Variants in CADPS2 observed in about 807,000 individuals in gnomAD.
CADPS2 encodes calcium-dependent secretion activator 2.
A neutral mutation model predicts 172.5 loss-of-function variants in CADPS2; 93 were observed. The ratio of observed to expected loss-of-function variants is 0.54; its 90% CI spans 0.46 to 0.64. The LOEUF (loss-of-function observed/expected upper bound fraction) is 0.64, where lower values mean the gene tolerates loss of function less well. Ranked by LOEUF, CADPS2 falls within the 30% of genes least tolerant of loss-of-function variation. The probability of loss-of-function intolerance (pLI) is 0.00; values close to 1 mark genes in which losing one functional copy is unlikely to be tolerated. For synonymous variants in CADPS2, 546 were observed against 555.2 expected, an observed-to-expected ratio of 0.98 and a Z score of 0.23; for missense variants, 1,420 against 1,565.9, an observed-to-expected ratio of 0.91 and a Z score of 1.57.
chr7:122,785,584 T>C (rs1793838508), intron 1 of CADPS2, among the ~76,000 whole-genome samples: 1 of 152,188 alleles, frequency 6.6e-6, no homozygotes, highest in Non-Finnish European at 1.5e-5. Flanking sequence ...CCTTCAGAAA[T>C]AGCAGTGGAA....
intron 2 of CADPS2, among the ~76,000 whole-genome samples, chr7:122,689,123 A>G (rs886355565): frequency 2.6e-5 from 4 of 152,116 alleles, no homozygotes; most frequent in Admixed American, 1.3e-4. Context: ...TATTCCTGCT[A>G]TGCTACTCAT....
chr7:122,488,124 G>T (rs1158765431), intron 11 of CADPS2, among the ~76,000 whole-genome samples: 6 of 152,076 alleles, frequency 3.9e-5, no homozygotes, highest in Non-Finnish European at 8.8e-5. Flanking sequence ...TAAAAACTTG[G>T]TTTTCAACAA....
chr7:122,490,028 T>C, intron 11 of CADPS2, 53 bp downstream of exon 11: 2 of 1,491,344 alleles, frequency 1.3e-6, no homozygotes, highest in East Asian at 2.3e-5. Flanking sequence ...CTCAATTTTA[T>C]ATCTTATTAA....
At position 122,379,432 on chromosome 7, in the gene CADPS2, T is replaced by G. The variant is rs1195274545; in HGVS notation, c.3323A>C (p.His1108Pro). 6.2e-7 allele frequency: 1 copy of G among 1,600,802 alleles called. No homozygotes were observed. Among genetic ancestry groups the G allele is most frequent in the South Asian group, 1.1e-5 (1 of 89,978 alleles). ...ALDGGQEQQYHSKIDDLIDNS... is the reference protein window; with the variant it reads ...ALDGGQEQQYPSKIDDLIDNS... ...GTCGATCAGATCATCTATTTTTGAA[T>G]GGTACTGTTGCTAGATATTAAAAGA... The change falls in exon 25 of 30, where the codon CAT (histidine) becomes CCT (proline). Residue 1108 changes from histidine (H) to proline (P), a missense_variant. Transcript: ENST00000449022.
chr7:122,841,315 T>C (rs1810422211), intron 1 of CADPS2, among the ~76,000 whole-genome samples: 1 of 152,158 alleles, frequency 6.6e-6, no homozygotes, highest in African/African-American at 2.4e-5. Flanking sequence ...CCCTAGTGTA[T>C]TATCACGAAT....
chr7:122,555,305 G>A (rs1216208121), intron 7 of CADPS2, among the ~76,000 whole-genome samples: 1 of 152,020 alleles, frequency 6.6e-6, no homozygotes, highest in Non-Finnish European at 1.5e-5. Flanking sequence ...ATTGACAAGT[G>A]ATTATTTCAC....
chr7:122,461,782 G>T (rs1383588926), intron 14 of CADPS2, among the ~76,000 whole-genome samples: 1 of 152,080 alleles, frequency 6.6e-6, no homozygotes, highest in Non-Finnish European at 1.5e-5. Context: ...TTTCAGTAGA[G>T]AGGGGGTTTC....
At chr7:122,444,379 C>T (rs1700870199) in intron 15 of CADPS2, among the ~76,000 whole-genome samples, 1 of 152,090 alleles carries the variant, frequency 6.6e-6, no homozygotes, top group Admixed American at 6.6e-5. Context: ...AAGAATCTGC[C>T]AAGTTATTTT....
intron 1 of CADPS2, among the ~76,000 whole-genome samples, chr7:122,779,158 AT>A (rs542619355): frequency 2.6e-5 from 4 of 151,312 alleles, no homozygotes; most frequent in South Asian, 2.1e-4. Flanking sequence ...CATTAAACCT[AT>A]TTTTTTTTAT....
chr7:122,527,617 A>AGAGAGAGAGAGAGAGTGTGTGTGTGTGT, intron 8 of CADPS2, among the ~76,000 whole-genome samples: 14 of 83,884 alleles, frequency 1.7e-4, no homozygotes, highest in Non-Finnish European at 2.9e-4. Flanking sequence ...AGAGAGAGAG[A>AGAGAGAGAGAGAGAGTGTGTGTGTGTGT]GTGTGTGTGT....
intron 8 of CADPS2, among the ~76,000 whole-genome samples, chr7:122,533,299 G>A (rs558410007): frequency 5.9e-5 from 9 of 152,120 alleles, no homozygotes; most frequent in South Asian, 2.1e-4. Flanking sequence ...GCTTGATAAC[G>A]ACAAATCTCT....
chr7:122,853,906 G>A (rs921136701), intron 1 of CADPS2, among the ~76,000 whole-genome samples: 7 of 152,120 alleles, frequency 4.6e-5, no homozygotes, highest in Admixed American at 1.3e-4. Flanking sequence ...CTTACTTGGC[G>A]CCCAAGGCAA....
chr7:122,543,566 G>A (rs2063316721), intron 8 of CADPS2, among the ~76,000 whole-genome samples: 1 of 152,038 alleles, frequency 6.6e-6, no homozygotes, highest in Admixed American at 6.6e-5. Context: ...GAACAATAAG[G>A]TCCAGCCCAC....
At chr7:122,674,174 C>T (rs78944661) in intron 2 of CADPS2, among the ~76,000 whole-genome samples, 8 of 152,252 alleles carry the variant, frequency 5.3e-5, no homozygotes, top group African/African-American at 1.9e-4. Context: ...GTCCTGCAAG[C>T]GCCCCGCACA....
intron 7 of CADPS2, among the ~76,000 whole-genome samples, chr7:122,575,129 C>A (rs1428917546): frequency 1.3e-5 from 2 of 150,548 alleles, no homozygotes; most frequent in African/African-American, 4.9e-5. Flanking sequence ...GAATAAAGAA[C>A]ATTTTATAAG....
chr7:122,805,014 TTAA>T (rs761373613), intron 1 of CADPS2, among the ~76,000 whole-genome samples: 56 of 152,330 alleles, frequency 3.7e-4, no homozygotes, highest in Non-Finnish European at 6.9e-4. Context: ...GATACATTAT[TTAA>T]TAATAATTGT....
chr7:122,367,234 A>G (rs2151207319), intron 25 of CADPS2, among the ~76,000 whole-genome samples: 1 of 152,310 alleles, frequency 6.6e-6, no homozygotes, highest in Middle Eastern at 3.4e-3. Context: ...TTTATCTTCT[A>G]TCTATCCTAT....
intron 1 of CADPS2, among the ~76,000 whole-genome samples, chr7:122,779,925 G>A (rs1380137694): frequency 1.3e-5 from 2 of 152,120 alleles, no homozygotes; most frequent in African/African-American, 4.8e-5. Flanking sequence ...TCAAAGACCA[G>A]TCAGCTCTGA....
At chr7:122,778,037 G>A (rs1308939214) in intron 1 of CADPS2, among the ~76,000 whole-genome samples, 4 of 151,916 alleles carry the variant, frequency 2.6e-5, no homozygotes, top group East Asian at 1.9e-4. Context: ...TAGAGACTTC[G>A]GGGGCTCAGA....
Sources: gnomAD v4.1 joint callset for allele counts (sites outside exome capture counted in the v4.1 genomes callset) on GRCh38, gnomAD v4.1.1 for gene constraint, MANE v1.5 for transcripts, NCBI Gene and HGNC (gene_info 2026-07-23, HGNC 2026-07-21) for gene names.